The following HYOU1 variants were observed in gnomAD, a reference collection of about 807,000 sequenced individuals.
HYOU1 encodes the protein hypoxia up-regulated 1, also known as hypoxia up-regulated protein 1.
Under a neutral mutation model 120.5 loss-of-function variants are expected in HYOU1, and 40 were observed. That is an observed-to-expected ratio of 0.33 (90% CI 0.26 to 0.43). The LOEUF (loss-of-function observed/expected upper bound fraction) is 0.43. Among genes scored for constraint, HYOU1 ranks in the 20% least tolerant of loss-of-function variants. The pLI, the probability that HYOU1 is intolerant of heterozygous loss-of-function variation, is 1.00. For synonymous variants in HYOU1, 501 were observed against 479.4 expected (o/e 1.05, Z -0.59); for missense variants, 1,085 against 1,278.3 (o/e 0.85, Z 2.31).
At chr11:119,049,508 G>GCATC (rs2133573379) in intron 16 of HYOU1, 48 bp downstream of exon 16, 1 of 1,596,450 alleles carries the variant, frequency 6.3e-7, no homozygotes, top group Non-Finnish European at 8.6e-7. Context: ...GCTACTACCT[G>GCATC]CATCCCCCAC....
chr11:119,046,128 T>C (rs1944053341), intron 24 of HYOU1, among the ~76,000 whole-genome samples: 1 of 151,976 alleles, frequency 6.6e-6, no homozygotes, highest in Non-Finnish European at 1.5e-5. Context: ...GCCTGACTCT[T>C]TTTTTTGGTA....
Position 119,052,709 on chromosome 11 carries a change from G to A in HYOU1, c.915C>T (p.Ala305=), listed in dbSNP as rs2133594934. The part of the protein sequence containing the change: ...RAKDVRENPR[A]MAKLLREANR... ...TAGCCTCACGCAGCAGCTTGGCCAT[G>A]GCACGCGGGTTCTCCCGCACATCCT... Residue 305 remains alanine, a synonymous_variant, in exon 9 of 26, where the codon GCC becomes GCT. Transcript: ENST00000617285. This position sits in a 1 kb window ranked among gnomAD's most constrained non-coding sequence, Gnocchi z 5.0. 6 of 1,614,224 alleles carry A rather than the reference G, an allele frequency of 3.7e-6. No individual in the cohort carries two copies. In the Admixed American group the frequency reaches 8.3e-5, roughly 22 times the overall value.
At chr11:119,046,331 G>A (rs970142578) in intron 24 of HYOU1, 86 bp downstream of exon 24, 1 of 1,197,836 alleles carries the variant, frequency 8.3e-7, no homozygotes, top group Non-Finnish European at 1.2e-6. Context: ...CTCATGGGCT[G>A]TCTAGAAACA....
chr11:119,052,916 C>T lies in HYOU1; in HGVS notation c.795-87G>A. 8.0e-7 allele frequency: 1 copy of T among 1,252,108 alleles called. No homozygotes were observed. Among genetic ancestry groups the T allele is most frequent in the Non-Finnish European group, 1.1e-6 (1 of 910,596 alleles). 77.6% of individuals were successfully genotyped at this position (1,252,108 alleles called of 1,614,324 possible). On this transcript the variant is annotated intron_variant, in intron 8 of 25. Coordinates refer to ENST00000617285, the MANE Select transcript of HYOU1 (RefSeq NM_006389.5). The surrounding 1 kb of genome is among the most constrained non-coding windows in gnomAD (Gnocchi z 5.0). ...GGAGCCTCTCATCCCCACATGGCACCTTTCCTTCATCTCAGGGGACCTTGT... is the reference window on the plus strand; with the variant it reads ...GGAGCCTCTCATCCCCACATGGCACTTTTCCTTCATCTCAGGGGACCTTGT...
Position 119,055,167 on chromosome 11 carries a change from C to T in HYOU1, c.419+18G>A, listed in dbSNP as rs2133610712. 5.6e-6 allele frequency: 9 copies of T among 1,611,754 alleles called. 1 individual carries two copies. Among genetic ancestry groups the T allele is most frequent in the Admixed American group, 3.3e-5 (2 of 59,910 alleles). On this transcript the variant is annotated intron_variant, in intron 5 of 25. Transcript: ENST00000617285. The surrounding 1 kb of genome is among the most constrained non-coding windows in gnomAD (Gnocchi z 4.0). ...CCAGCAGCGTTGCCGAGACCACCTTCCCCAACAGAGCACTCACGAGCTGAT... is the reference window on the plus strand; with the variant it reads ...CCAGCAGCGTTGCCGAGACCACCTTTCCCAACAGAGCACTCACGAGCTGAT...
Position 119,055,256 on chromosome 11 carries a change from G to A in HYOU1, c.348C>T (p.Tyr116=), listed in dbSNP as rs2133611606. ...GCTCGTGCTCCGGGAAGCGGGCCTG[G>A]TAAAGAGCTACATGGGGGTTATCTG... The part of the protein sequence containing the change: ...KQADNPHVAL[Y]QARFPEHELT... Residue 116 remains tyrosine, a synonymous_variant, in exon 5 of 26, where the codon TAC becomes TAT. Transcript: ENST00000617285. This position sits in a 1 kb window ranked among gnomAD's most constrained non-coding sequence, Gnocchi z 4.0. 2.5e-6 allele frequency: 4 copies of A among 1,614,158 alleles called. No individual in the cohort carries two copies. In the East Asian group the frequency reaches 6.7e-5, roughly 27 times the overall value.
chr11:119,046,839 T>C (rs2133553822), intron 22 of HYOU1, 37 bp from the exon 23 acceptor site: 51 of 1,592,680 alleles, frequency 3.2e-5, no homozygotes, highest in Middle Eastern at 4.3e-4. Context: ...AAGCTAGCCA[T>C]GGAGAGAGCA....
chr11:119,046,367 C>T lies in HYOU1; in HGVS notation c.2887+50G>A, dbSNP rs2133549311. 58 of 1,588,924 alleles carry T rather than the reference C, an allele frequency of 3.7e-5. No homozygotes were observed. In the East Asian group the frequency reaches 1.3e-3, roughly 36 times the overall value. ...GGCTGTGCCTGCCAGTTTGCCTACC[C>T]CTGGGCTAATGCAACATCCACGTGC... On this transcript the variant is annotated intron_variant, in intron 24 of 25. Coordinates refer to ENST00000617285, the MANE Select transcript of HYOU1 (RefSeq NM_006389.5).
Position 119,056,305 on chromosome 11 carries a change from C to T in HYOU1, c.-7-138G>A, listed in dbSNP as rs1030518335. On this transcript the variant is annotated intron_variant, in intron 1 of 25. Transcript: ENST00000617285. ...CAGGGCAGATCAGCCTACTTCTCCCCTTCTCCCTCCTGATGGGTACAAACC... is the reference window on the plus strand; with the variant it reads ...CAGGGCAGATCAGCCTACTTCTCCCTTTCTCCCTCCTGATGGGTACAAACC... The T allele has an allele frequency of 1.6e-4, 112 of 712,064 alleles. No homozygotes were observed. The African/African-American group carries it at 1.6e-3, about 10-fold the overall frequency. The allele number at this position is 712,064 out of a possible 1,614,324, so 44.1% of individuals were successfully genotyped here.
Position 119,051,379 on chromosome 11 carries a change from T to C in HYOU1, c.1526+59A>G. On this transcript the variant is annotated intron_variant, in intron 13 of 25. Coordinates refer to ENST00000617285, the MANE Select transcript of HYOU1 (RefSeq NM_006389.5). The surrounding 1 kb of genome is among the most constrained non-coding windows in gnomAD (Gnocchi z 4.2). ...CCTCCCTCACCCCCAGTCCTCAGAT[T>C]ATCCAGCAGCCACGCCTCCCCCTCC... is the stretch of plus-strand genomic sequence containing the variant. 2 of 1,573,850 alleles carry C rather than the reference T, an allele frequency of 1.3e-6. No individual in the cohort carries two copies. The highest frequency in any genetic ancestry group is 8.7e-7 in the Non-Finnish European group (1 of 1,149,454).
intron 7 of HYOU1, 79 bp from the exon 8 acceptor site, chr11:119,054,315 A>T (rs2133604217): frequency 1.6e-6 from 2 of 1,263,726 alleles, no homozygotes; most frequent in African/African-American, 1.5e-5. Flanking sequence ...CCTGCTTCCA[A>T]TGGGCTGTCT....
At chr11:119,054,002 C>T in intron 8 of HYOU1, 119 bp downstream of exon 8, 2 of 651,072 alleles carry the variant, frequency 3.1e-6, no homozygotes, top group Non-Finnish European at 5.5e-6. Context: ...TGACTGATGC[C>T]TCAATCAGGA....
rs2133592283 is a variant in HYOU1 at position 119,052,366 on chromosome 11, A to G, written c.1051T>C (p.Leu351=). 13 of 1,613,766 alleles carry G rather than the reference A, an allele frequency of 8.1e-6. No individual in the cohort carries two copies. In the Admixed American group the frequency reaches 2.2e-4, roughly 27 times the overall value. ...ACCCGCTCAAACAAGTCTGCACACAACTCCTCAAATTCCACACGAGTCACT... is the reference window on the plus strand; with the variant it reads ...ACCCGCTCAAACAAGTCTGCACACAGCTCCTCAAATTCCACACGAGTCACT... ...AKVTRVEFEE[L]CADLFERVPG... Residue 351 remains leucine (L), a synonymous_variant, in exon 10 of 26, where the codon TTG becomes CTG. Coordinates refer to ENST00000617285, the MANE Select transcript of HYOU1 (RefSeq NM_006389.5). The surrounding 1 kb of genome is among the most constrained non-coding windows in gnomAD (Gnocchi z 5.0).
intron 14 of HYOU1, among the ~76,000 whole-genome samples, chr11:119,050,344 C>T (rs2133578387): frequency 3.9e-5 from 6 of 151,976 alleles, no homozygotes; most frequent in East Asian, 1.9e-4. Context: ...ACCCGGGAGG[C>T]GGAGGTTGCA....
In HYOU1 at chr11:119,055,347, G is replaced by A. The variant is rs149126959; in HGVS notation, c.265-8C>T. The A allele has an allele frequency of 6.9e-5, 112 of 1,612,518 alleles. No homozygotes were observed. In the African/African-American group the frequency reaches 1.2e-3, roughly 17 times the overall value. Reference sequence around the variant, plus strand: ...CTTTGGATTCTTAATCGCCTGAGGGGTGAAGAAGGAGCAGACTAGTATTAG... The same window carrying A: ...CTTTGGATTCTTAATCGCCTGAGGGATGAAGAAGGAGCAGACTAGTATTAG... On this transcript the variant is annotated splice_region_variant and splice_polypyrimidine_tract_variant and intron_variant, in intron 4 of 25. Coordinates refer to ENST00000617285, the MANE Select transcript of HYOU1 (RefSeq NM_006389.5). The surrounding 1 kb of genome is among the most constrained non-coding windows in gnomAD (Gnocchi z 4.0).
In HYOU1 at chr11:119,046,270, T is replaced by A; in HGVS notation, c.2887+147A>T. ...CGTGAGCCACCGTGCCTGGCCTTTT[T>A]TTTTTTTTTTTTTTTTAAACAACCC... On this transcript the variant is annotated intron_variant, in intron 24 of 25. Coordinates refer to ENST00000617285, the MANE Select transcript of HYOU1 (RefSeq NM_006389.5). 11 of 696,340 alleles carry A rather than the reference T, an allele frequency of 1.6e-5. No homozygotes were observed. The African/African-American group carries it at 1.8e-4, about 12-fold the overall frequency. The allele number at this position is 696,340 out of a possible 1,614,324, so 43.1% of individuals were successfully genotyped here. A position where few individuals can be genotyped will look rare whatever the true frequency, so the allele number is the denominator to read the frequency against.
rs2133544966 is a variant in HYOU1 at position 119,045,801 on chromosome 11, T to C, written c.2918A>G (p.Glu973Gly). The C allele has an allele frequency of 3.1e-6, 5 of 1,611,860 alleles. No individual in the cohort carries two copies. In the Admixed American group the frequency reaches 8.5e-5, roughly 27 times the overall value. Residue 973 changes from glutamate to glycine, a missense_variant, in exon 25 of 26, where the codon GAG becomes GGG. By Grantham distance (98) the Glu-to-Gly change is moderately conservative (BLOSUM62 -2). Coordinates refer to ENST00000617285, the MANE Select transcript of HYOU1 (RefSeq NM_006389.5). ...GSEPGDTEPL[E>G]LGGPGAEPEQ... ...CTCACCTGCTCCAGGACCTCCTAACTCCAAAGGCTCAGTGTCTCCTGGCTC... is the reference window on the plus strand; with the variant it reads ...CTCACCTGCTCCAGGACCTCCTAACCCCAAAGGCTCAGTGTCTCCTGGCTC...
rs2133563673 is a variant in HYOU1 at position 119,048,399 on chromosome 11, A to T, written c.2254-29T>A. 5 of 1,610,380 alleles carry T rather than the reference A, an allele frequency of 3.1e-6. No homozygotes were observed. The Admixed American group carries it at 5.0e-5, about 16-fold the overall frequency. On this transcript the variant is annotated intron_variant, in intron 19 of 25. Coordinates refer to ENST00000617285, the MANE Select transcript of HYOU1 (RefSeq NM_006389.5). This position sits in a 1 kb window ranked among gnomAD's most constrained non-coding sequence, Gnocchi z 4.7. ...GGGAGGGGGACATGTAAACACATGC[A>T]CCCACAAGCCCAGAGGCAAGGCCCA...
At chr11:119,053,489 T>C (rs1317394815) in intron 8 of HYOU1, 1 of 152,474 alleles carries the variant, frequency 6.6e-6, no homozygotes, top group Non-Finnish European at 1.5e-5. Flanking sequence ...GAAGGCAGGG[T>C]TGAGACAGGC....
Sources: allele counts gnomAD v4.1 joint callset (sites outside exome capture counted in the v4.1 genomes callset), GRCh38; gene constraint gnomAD v4.1.1; non-coding constraint Gnocchi (gnomAD v3.1); transcripts MANE v1.5; gene names NCBI Gene and HGNC (gene_info 2026-07-23, HGNC 2026-07-21).